COL16A1: variants seen among roughly 807,000 people sequenced by gnomAD.
The protein encoded by COL16A1 is collagen type XVI alpha 1 chain, also known as collagen alpha-1(XVI) chain.
COL16A1 carries 189 observed loss-of-function variants against 266.3 expected under a neutral mutation model. That is an observed-to-expected ratio of 0.71 (90% CI 0.63 to 0.80). The LOEUF is 0.80. Among genes scored for constraint, COL16A1 ranks in the 30% least tolerant of loss-of-function variants. COL16A1 has a pLI of 0.00. For synonymous variants in COL16A1, 740 were observed against 782.3 expected (o/e 0.95, Z 0.90); for missense variants, 1,928 against 2,122.4 (o/e 0.91, Z 1.80).
intron 12 of COL16A1, 83 bp from the exon 13 acceptor site, chr1:31,693,237 T>A (rs765660354): frequency 6.2e-5 from 48 of 779,648 alleles, no homozygotes; most frequent in Non-Finnish European, 1.0e-4. Flanking sequence ...TCTGGCCCCC[T>A]CCACCCATCC....
chr1:31,654,177 G>A (rs1470187343), intron 68 of COL16A1, 134 bp from the exon 69 acceptor site: 26 of 1,339,396 alleles, frequency 1.9e-5, no homozygotes, highest in Non-Finnish European at 2.1e-5. Flanking sequence ...AGGGCAAGGA[G>A]TATGGGGGTG....
chr1:31,691,161 C>T (rs763575564), intron 20 of COL16A1, 27 bp downstream of exon 20: 9 of 1,610,918 alleles, frequency 5.6e-6, no homozygotes, highest in African/African-American at 1.3e-5. Context: ...GAGCTCCCCA[C>T]GTGACCACAC....
At chr1:31,687,631 AG>A (rs1195811766) in intron 26 of COL16A1, among the ~76,000 whole-genome samples, 1 of 139,660 alleles carries the variant, frequency 7.2e-6, no homozygotes, top group East Asian at 2.2e-4. Flanking sequence ...GGCTAGAGGG[AG>A]GGGGCAGCGT....
intron 52 of COL16A1, among the ~76,000 whole-genome samples, chr1:31,666,771 A>G (rs1044218505): frequency 3.9e-5 from 6 of 151,902 alleles, no homozygotes; most frequent in Admixed American, 6.6e-5. Flanking sequence ...CTGCTCAGAG[A>G]GGCCTTCCTG....
chr1:31,695,359 A>G (rs1423494704), intron 10 of COL16A1, 138 bp from the exon 11 acceptor site: 2 of 849,780 alleles, frequency 2.4e-6, no homozygotes, highest in South Asian at 1.6e-5. Context: ...TAGGAATCCT[A>G]TAAAACAAGC....
chr1:31,703,327 G>A (rs1456582276), intron 1 of COL16A1, among the ~76,000 whole-genome samples: 1 of 152,042 alleles, frequency 6.6e-6, no homozygotes, highest in Non-Finnish European at 1.5e-5. Context: ...AAAACAGAAA[G>A]GACCCCTTAC....
At chr1:31,667,994 G>A (rs1222255268) in intron 51 of COL16A1, among the ~76,000 whole-genome samples, 171 bp downstream of exon 51, 2 of 152,204 alleles carry the variant, frequency 1.3e-5, no homozygotes, top group East Asian at 1.9e-4. Context: ...ACACTGCCAA[G>A]GGGGCCTACA....
In COL16A1 at chr1:31,656,296, A is replaced by C. The variant is rs1570336186; in HGVS notation, c.4101+104T>G. 6.5e-7 allele frequency: 1 copy of C among 1,541,124 alleles called. No homozygotes were observed. The highest frequency in any genetic ancestry group is 8.7e-7 in the Non-Finnish European group (1 of 1,145,174). ...AGTTCTGCATTTTTGCCCCCTGCCC[A>C]CTGGCCTTCCTGTGTCTCCTCTCTG... On this transcript the variant is annotated intron_variant, in intron 66 of 70. Coordinates refer to ENST00000373672, the MANE Select transcript of COL16A1 (RefSeq NM_001856.4). The surrounding 1 kb of genome is among the most constrained non-coding windows in gnomAD (Gnocchi z 4.2).
chr1:31,659,308 C>T (rs1641440204), intron 62 of COL16A1, among the ~76,000 whole-genome samples: 1 of 152,166 alleles, frequency 6.6e-6, no homozygotes, highest in Non-Finnish European at 1.5e-5. Flanking sequence ...GAGACCCTTG[C>T]TTCCCTAAAG....
At chr1:31,686,700 G>A (rs985590263) in intron 26 of COL16A1, among the ~76,000 whole-genome samples, 3 of 152,256 alleles carry the variant, frequency 2.0e-5, no homozygotes, top group African/African-American at 7.2e-5. Context: ...GTACTATGAA[G>A]GAAATCAACA....
At chr1:31,692,358 G>A (rs981804029) in intron 16 of COL16A1, 116 bp downstream of exon 16, 1 of 1,461,886 alleles carries the variant, frequency 6.8e-7, no homozygotes, top group Non-Finnish European at 9.1e-7. Context: ...GGAGGGTCCT[G>A]CCAGCTCTGT....
chr1:31,695,307 C>T (rs1275631077), intron 10 of COL16A1, 86 bp from the exon 11 acceptor site: 13 of 1,311,294 alleles, frequency 9.9e-6, no homozygotes, highest in South Asian at 4.8e-5. Flanking sequence ...GCCCACAGAA[C>T]ATCACACATA....
chr1:31,680,779 G>A, intron 39 of COL16A1, 126 bp downstream of exon 39: 1 of 1,565,858 alleles, frequency 6.4e-7, no homozygotes, highest in South Asian at 1.2e-5. Flanking sequence ...CATGTGCACA[G>A]GCTCCCCTGG....
intron 1 of COL16A1, among the ~76,000 whole-genome samples, chr1:31,702,720 C>A (rs1490284094): frequency 1.3e-5 from 2 of 152,184 alleles, no homozygotes. Flanking sequence ...GAAGCCCTCC[C>A]AGGCACCCAC....
rs1157666539 is a variant in COL16A1, at chr1:31,657,815, T to C, written c.4020+673A>G. Among the ~76,000 whole-genome samples the C allele has an allele frequency of 6.6e-6, 1 of 152,180 alleles. No homozygotes were observed. The highest frequency in any genetic ancestry group is 1.5e-5 in the Non-Finnish European group (1 of 68,018). ...TTAGGGTTCACCTGTCTGGAACTTT[T>C]GAGAGAGGTAGATTTGCAGAGTGGC... On this transcript the variant is annotated intron_variant, in intron 64 of 70. Transcript: ENST00000373672. The surrounding 1 kb of genome is among the most constrained non-coding windows in gnomAD (Gnocchi z 6.4).
chr1:31,674,232 AG>A (rs937719980), intron 44 of COL16A1, among the ~76,000 whole-genome samples: 4 of 152,054 alleles, frequency 2.6e-5, no homozygotes, highest in Non-Finnish European at 4.4e-5. Flanking sequence ...GGCCAGGATG[AG>A]GGGGGGCTCT....
At chr1:31,658,747 TG>T (rs1463158752) in intron 63 of COL16A1, among the ~76,000 whole-genome samples, 166 bp downstream of exon 63, 1 of 152,212 alleles carries the variant, frequency 6.6e-6, no homozygotes. Context: ...CAAAGCCCTC[TG>T]CCACATCCTG....
rs1642295977 is a variant in COL16A1 at position 31,668,073 on chromosome 1, G to A, written c.3303+92C>T. The A allele has an allele frequency of 6.1e-6, 7 of 1,156,492 alleles. No individual in the cohort carries two copies. The highest frequency in any genetic ancestry group is 7.5e-6 in the Non-Finnish European group (6 of 797,602). The allele number at this position is 1,156,492 out of a possible 1,614,324, so 71.6% of individuals were successfully genotyped here. ...TGAAATGCCCGGTAATGGGGAGCCC[G>A]CCGAGGGTTGCCCAGCCTGGCTGTG... On this transcript the variant is annotated intron_variant, in intron 51 of 70. Coordinates refer to ENST00000373672, the MANE Select transcript of COL16A1 (RefSeq NM_001856.4). This position sits in a 1 kb window ranked among gnomAD's most constrained non-coding sequence, Gnocchi z 5.8.
rs202161276 is a variant in COL16A1, at chr1:31,653,891, G to A, written c.4510C>T (p.Arg1504Trp). ...GLPGQIGREGRQGLPGVRGLP... is the reference protein window; with the variant it reads ...GLPGQIGREGWQGLPGVRGLP... ...CCTCTTACTCCTGGCAAGCCCTGCC[G>A]TCCTTCTCTGCCAATCTGACCAGGG... is the stretch of plus-strand genomic sequence containing the variant. Residue 1504 changes from arginine (R) to tryptophan (W), a missense_variant, in exon 69 of 71, where the codon CGG (arginine) becomes TGG (tryptophan). Arg to Trp is a moderately radical substitution (Grantham distance 101). Around this residue, in one of 2 missense-constraint regions of COL16A1, gnomAD observed 376 missense variants for 485.2 expected, o/e 0.77. Transcript: ENST00000373672. 179 of 1,613,014 alleles carry A rather than the reference G, an allele frequency of 1.1e-4. No homozygotes were observed. Among genetic ancestry groups the A allele is most frequent in the Non-Finnish European group, 1.4e-4 (165 of 1,179,346 alleles).
Sources: gnomAD v4.1 joint callset for allele counts (sites outside exome capture counted in the v4.1 genomes callset) on GRCh38, gnomAD v4.1.1 for gene constraint, gnomAD v4.1.1 regional missense constraint, Gnocchi (gnomAD v3.1) non-coding constraint, MANE v1.5 for transcripts, NCBI Gene and HGNC (gene_info 2026-07-23, HGNC 2026-07-21) for gene names.